Variants in EDEM3 observed in about 807,000 individuals in gnomAD.
The protein encoded by EDEM3 is ER degradation enhancing alpha-mannosidase like protein 3, also known as ER degradation-enhancing alpha-mannosidase-like protein 3.
Under a neutral mutation model 110.2 loss-of-function variants are expected in EDEM3, and 60 were observed. That is an observed-to-expected ratio of 0.54 (90% CI 0.44 to 0.67). EDEM3 has a LOEUF of 0.67. Among genes scored for constraint, EDEM3 ranks in the 30% least tolerant of loss-of-function variants. EDEM3 has a pLI of 0.00. For missense variants in EDEM3, 996 were observed against 1,121.0 expected, an observed-to-expected ratio of 0.89 and a Z score of 1.59; for synonymous variants, 352 against 382.9, an observed-to-expected ratio of 0.92 and a Z score of 0.94.
chr1:184,740,385 A>G (rs1652069839), intron 2 of EDEM3, among the ~76,000 whole-genome samples: 1 of 152,162 alleles, frequency 6.6e-6, no homozygotes, highest in South Asian at 2.1e-4. Context: ...ACACCCAACA[A>G]CATGGTTCAA....
Position 184,710,442 on chromosome 1 carries a change from C to A in EDEM3, c.1797G>T (p.Leu599Phe), listed in dbSNP as rs199800822. The A allele has an allele frequency of 9.9e-6, 16 of 1,613,838 alleles. No individual in the cohort carries two copies. Among genetic ancestry groups the A allele is most frequent in the Non-Finnish European group, 1.4e-5 (16 of 1,179,912 alleles). The change falls in exon 16 of 20, where the codon TTG becomes TTT. Residue 599 changes from leucine to phenylalanine, a missense_variant. By Grantham distance (22) the Leu-to-Phe change is conservative. This residue lies in a region of EDEM3 where 345 missense variants were observed against 402.0 expected (regional missense o/e 0.86). Transcript: ENST00000318130. The part of the protein sequence containing the change: ...LEILKKMGVS[L>F]IHLKDGRVQL... ...GGACTCTCCCATCTTTGAGGTGAAT[C>A]AAACTCACCCCCATCTTCTTCAGGA...
intron 11 of EDEM3, 49 bp downstream of exon 11, chr1:184,719,113 T>G (rs764747160): frequency 2.6e-5 from 27 of 1,036,404 alleles, no homozygotes; most frequent in Admixed American, 1.9e-4. Context: ...CGTGTGTGTG[T>G]GTGTGTGTTT....
chr1:184,712,249 A>G (rs938477345), intron 14 of EDEM3, among the ~76,000 whole-genome samples, 184 bp downstream of exon 14: 2 of 152,156 alleles, frequency 1.3e-5, no homozygotes, highest in Admixed American at 6.5e-5. Flanking sequence ...TTTTAAAAGG[A>G]AACAGTTAAT....
chr1:184,749,497 A>C (rs1464074516), intron 2 of EDEM3, 50 bp downstream of exon 2: 4 of 1,361,662 alleles, frequency 2.9e-6, no homozygotes, highest in Non-Finnish European at 4.1e-6. Flanking sequence ...CTGTGCTCAC[A>C]TAATAATCAA....
At chr1:184,717,124 G>A (rs1392688350) in intron 12 of EDEM3, 112 bp from the exon 13 acceptor site, 7 of 791,510 alleles carry the variant, frequency 8.8e-6, no homozygotes, top group South Asian at 5.3e-5. Context: ...ACTGTATCAG[G>A]CACTGAAGGA....
Position 184,734,944 on chromosome 1 carries a change from T to C in EDEM3, c.346-301A>G, listed in dbSNP as rs146626298. ...GACCCAGGCTACATGAGGTGAGTTC[T>C]AGTAGAATTTGGCTTCTAAGTCAAA... On this transcript the variant is annotated intron_variant, in intron 4 of 19. Coordinates refer to ENST00000318130, the MANE Select transcript of EDEM3 (RefSeq NM_025191.4). Among the ~76,000 whole-genome samples the C allele has an allele frequency of 2.0e-5, 3 of 152,338 alleles. No individual in the cohort carries two copies. The East Asian group carries it at 5.8e-4, about 29-fold the overall frequency.
intron 8 of EDEM3, 113 bp downstream of exon 8, chr1:184,723,638 T>G: frequency 1.1e-6 from 1 of 871,372 alleles, no homozygotes; most frequent in Non-Finnish European, 1.8e-6. Context: ...AGCAATCTTG[T>G]GAGAACCTAT....
intron 19 of EDEM3, chr1:184,701,666 T>G: frequency 1.7e-6 from 1 of 575,482 alleles, no homozygotes; most frequent in Non-Finnish European, 2.6e-6. Flanking sequence ...CAAGAAGATC[T>G]GAGTTTAGAA....
At chr1:184,710,575 T>C in intron 15 of EDEM3, 28 bp from the exon 16 acceptor site, 2 of 1,555,906 alleles carry the variant, frequency 1.3e-6, no homozygotes, top group East Asian at 4.6e-5. Context: ...AGGCAAGGCT[T>C]AAAAAACTAT....
Position 184,719,225 on chromosome 1 carries a change from T to C in EDEM3, c.1098A>G (p.Arg366=), listed in dbSNP as rs1249281061. The C allele has an allele frequency of 6.3e-7, 1 of 1,574,964 alleles. No homozygotes were observed. Among genetic ancestry groups the C allele is most frequent in the Non-Finnish European group, 8.6e-7 (1 of 1,164,160 alleles). The change falls in exon 11 of 20, where the codon AGA becomes AGG. Residue 366 remains arginine (R), a synonymous_variant. Transcript: ENST00000318130. ...PGLQVLKGDI[R]PAIETHEMLY... is the part of the protein sequence containing the mutation. ...ACATTTCATGAGTTTCAATAGCAGG[T>C]CTAATATCCCCCTTTAACACCTAGA...
chr1:184,715,910 C>T (rs754644616), intron 13 of EDEM3, among the ~76,000 whole-genome samples: 26 of 152,160 alleles, frequency 1.7e-4, no homozygotes, highest in Admixed American at 7.9e-4. Flanking sequence ...ATTATCCGAA[C>T]ACTAAGTGAA....
intron 7 of EDEM3, among the ~76,000 whole-genome samples, chr1:184,724,376 G>A (rs1651076191): frequency 6.6e-6 from 1 of 152,030 alleles, no homozygotes; most frequent in Non-Finnish European, 1.5e-5. Context: ...TTAGTAAAAA[G>A]CTATTAAATC....
chr1:184,752,817 CT>C (rs1652838738), intron 1 of EDEM3, among the ~76,000 whole-genome samples: 1 of 152,162 alleles, frequency 6.6e-6, no homozygotes, highest in Non-Finnish European at 1.5e-5. Context: ...CTACCAATTA[CT>C]AGCTTTGTGG....
intron 2 of EDEM3, among the ~76,000 whole-genome samples, chr1:184,742,816 T>C (rs1475060607): frequency 6.6e-6 from 1 of 152,224 alleles, no homozygotes; most frequent in East Asian, 1.9e-4. Context: ...ATTTAACACA[T>C]ATAAACAACA....
At chr1:184,701,756 T>C (rs907647212) in intron 19 of EDEM3, among the ~76,000 whole-genome samples, 11 of 152,262 alleles carry the variant, frequency 7.2e-5, no homozygotes, top group African/African-American at 2.4e-4. Context: ...TTTCCATCTA[T>C]ACATTGTTAT....
chr1:184,744,303 A>G (rs1393123402), intron 2 of EDEM3, among the ~76,000 whole-genome samples: 1 of 141,924 alleles, frequency 7.0e-6, no homozygotes, highest in Non-Finnish European at 1.5e-5. Context: ...TGAATAGCAA[A>G]TAAGCATATG....
intron 1 of EDEM3, among the ~76,000 whole-genome samples, chr1:184,751,856 G>A (rs1432407628): frequency 6.6e-6 from 1 of 152,168 alleles, no homozygotes; most frequent in Non-Finnish European, 1.5e-5. Context: ...AGGTTCAAGC[G>A]ATTCTTCCTG....
intron 2 of EDEM3, among the ~76,000 whole-genome samples, chr1:184,748,415 C>T (rs1295024731): frequency 6.6e-6 from 1 of 151,376 alleles, no homozygotes; most frequent in Non-Finnish European, 1.5e-5. Flanking sequence ...CCGCTATACT[C>T]CACAGCCTGG....
rs908206148 is a variant in EDEM3 at position 184,691,683 on chromosome 1, G to A, written c.*2380C>T. ...TAATGAACTCAAAAACTACTTTGTG[G>A]CAGTATGTCAAGTAAGTAAATGAAT... On this transcript the variant is annotated 3_prime_UTR_variant, in exon 20 of 20. Coordinates refer to ENST00000318130, the MANE Select transcript of EDEM3 (RefSeq NM_025191.4). The A allele has an allele frequency of 6.6e-6, 1 of 151,700 alleles. No individual in the cohort carries two copies. The highest frequency in any genetic ancestry group is 1.5e-5 in the Non-Finnish European group (1 of 67,906). 9.4% of individuals were successfully genotyped at this position (151,700 alleles called of 1,614,324 possible).
Sources: gnomAD v4.1 joint callset for allele counts (sites outside exome capture counted in the v4.1 genomes callset) on GRCh38, gnomAD v4.1.1 for gene constraint, gnomAD v4.1.1 regional missense constraint, MANE v1.5 for transcripts, NCBI Gene and HGNC (gene_info 2026-07-23, HGNC 2026-07-21) for gene names.